Variants in ZC3H12B observed in about 807,000 individuals in gnomAD.
The protein encoded by ZC3H12B is probable ribonuclease ZC3H12B.
In ZC3H12B, 7 loss-of-function variants were observed where a neutral mutation model predicts 43.9. That is an observed-to-expected ratio of 0.16 (90% CI 0.09 to 0.30). The LOEUF is 0.30. ZC3H12B is among the 10% of genes least tolerant of loss of function. The pLI is 1.00. For synonymous variants in ZC3H12B, 222 were observed against 241.7 expected (o/e 0.92, Z 0.76); for missense variants, 475 against 670.2 (o/e 0.71, Z 3.22).
the ZC3H12B span, among the ~76,000 whole-genome samples, chrX:65,332,871 A>G: frequency 1.8e-5 from 2 of 112,218 alleles, no homozygotes; most frequent in Non-Finnish European, 3.8e-5. Context: ...TACTAAAGAT[A>G]AATCATGGTA....
the ZC3H12B span, among the ~76,000 whole-genome samples, chrX:65,160,898 A>C: frequency 9.0e-6 from 1 of 110,707 alleles, no homozygotes; most frequent in East Asian, 2.8e-4. Flanking sequence ...GTGGGCATTT[A>C]GTGCTATAAA....
the ZC3H12B span, among the ~76,000 whole-genome samples, chrX:65,083,920 G>A: frequency 4.5e-5 from 5 of 111,381 alleles, no homozygotes; most frequent in Non-Finnish European, 7.6e-5. Context: ...CACACAGACC[G>A]ATGGAACAGA....
the ZC3H12B span, among the ~76,000 whole-genome samples, chrX:65,056,291 C>A: frequency 2.7e-5 from 3 of 111,167 alleles, no homozygotes; most frequent in African/African-American, 9.8e-5. Flanking sequence ...TATGTTGTGT[C>A]TTTGTTCTCG....
At chrX:65,235,076 T>C in the ZC3H12B span, among the ~76,000 whole-genome samples, 10 of 112,346 alleles carry the variant, frequency 8.9e-5, no homozygotes, top group Non-Finnish European at 1.9e-4. Flanking sequence ...TATTTCATTT[T>C]CTTTATCCAG....
chrX:65,136,983 T>A, the ZC3H12B span, among the ~76,000 whole-genome samples: 1 of 111,926 alleles, frequency 8.9e-6, no homozygotes, highest in Admixed American at 9.5e-5. Flanking sequence ...ACAGCTGATA[T>A]TTTATAAATT....
the ZC3H12B span, among the ~76,000 whole-genome samples, chrX:65,212,458 T>A: frequency 1.7e-5 from 1 of 59,338 alleles, no homozygotes; most frequent in East Asian, 4.7e-4. Context: ...TATTATATAA[T>A]ATGTAATATA....
At chrX:65,141,266 C>G in the ZC3H12B span, among the ~76,000 whole-genome samples, 1 of 110,163 alleles carries the variant, frequency 9.1e-6, no homozygotes, top group Non-Finnish European at 1.9e-5. Context: ...TCATTTGTCT[C>G]AAGATTTTAA....
At chrX:65,313,081 C>T in the ZC3H12B span, among the ~76,000 whole-genome samples, 1 of 110,878 alleles carries the variant, frequency 9.0e-6, no homozygotes, top group Non-Finnish European at 1.9e-5. Flanking sequence ...GGGGTTTCAC[C>T]ATGCTAGCCA....
At chrX:65,424,679 G>A (rs2067059151) in intron 3 of ZC3H12B, among the ~76,000 whole-genome samples, 2 of 111,779 alleles carry the variant, frequency 1.8e-5, no homozygotes, top group Admixed American at 9.5e-5. Context: ...TCAATTTTCT[G>A]CATATGGCTA....
chrX:65,195,274 T>C, the ZC3H12B span, among the ~76,000 whole-genome samples: 1 of 111,398 alleles, frequency 9.0e-6, no homozygotes, highest in Non-Finnish European at 1.9e-5. Context: ...TCAGTGGAGG[T>C]GATTTTCTGT....
chrX:65,323,002 A>T, the ZC3H12B span, among the ~76,000 whole-genome samples: 1 of 111,662 alleles, frequency 9.0e-6, no homozygotes, highest in East Asian at 2.8e-4. Flanking sequence ...TATAAAGTTC[A>T]TTTTTGGTAC....
chrX:65,056,868 GT>G, the ZC3H12B span, among the ~76,000 whole-genome samples: 2 of 111,633 alleles, frequency 1.8e-5, no homozygotes, highest in Non-Finnish European at 3.8e-5. Flanking sequence ...TTTGATCTGT[GT>G]TGGTTTAAAG....
At chrX:65,147,082 T>A in the ZC3H12B span, among the ~76,000 whole-genome samples, 4 of 112,433 alleles carry the variant, frequency 3.6e-5, no homozygotes, top group African/African-American at 1.3e-4. Context: ...ATTTGTAAAC[T>A]TTCCAATATT....
At chrX:65,262,624 T>A in the ZC3H12B span, among the ~76,000 whole-genome samples, 37 of 111,020 alleles carry the variant, frequency 3.3e-4, 1 homozygote, top group South Asian at 6.8e-3. Flanking sequence ...TAGGTTTTTT[T>A]AATTATTTTA....
chrX:65,269,016 C>A, the ZC3H12B span, among the ~76,000 whole-genome samples: 1 of 111,898 alleles, frequency 8.9e-6, no homozygotes, highest in Non-Finnish European at 1.9e-5. Context: ...TAAATAAATT[C>A]GGTAACATTG....
intron 3 of ZC3H12B, among the ~76,000 whole-genome samples, chrX:65,429,198 C>T (rs1307634733): frequency 1.8e-5 from 2 of 112,595 alleles, no homozygotes; most frequent in Admixed American, 9.4e-5. Flanking sequence ...GGTTGAAAAC[C>T]TCTGTTGAAA....
chrX:65,055,239 T>C, the ZC3H12B span, among the ~76,000 whole-genome samples: 1 of 111,631 alleles, frequency 9.0e-6, no homozygotes, highest in African/African-American at 3.3e-5. Context: ...AAATAGCTCT[T>C]ATTATTTTGA....
the ZC3H12B span, among the ~76,000 whole-genome samples, chrX:65,313,096 G>T: frequency 9.0e-6 from 1 of 111,097 alleles, no homozygotes; most frequent in African/African-American, 3.3e-5. Context: ...TAGCCAGGCT[G>T]GTCTTGAACT....
chrX:65,123,695 C>G, the ZC3H12B span, among the ~76,000 whole-genome samples: 1 of 100,967 alleles, frequency 9.9e-6, no homozygotes, highest in Non-Finnish European at 2.0e-5. Context: ...CTTTCATGTT[C>G]TTGGGTAGGT....
Sources: gnomAD v4.1 joint callset for allele counts (sites outside exome capture counted in the v4.1 genomes callset) on GRCh38, gnomAD v4.1.1 for gene constraint, MANE v1.5 for transcripts, NCBI Gene and HGNC (gene_info 2026-07-23, HGNC 2026-07-21) for gene names.